Variants in CSMD1 observed in about 807,000 individuals in gnomAD.
The protein encoded by CSMD1 is CUB and Sushi multiple domains 1, also known as CUB and sushi domain-containing protein 1.
CSMD1 carries 213 observed loss-of-function variants against 417.5 expected under a neutral mutation model. The ratio of observed to expected loss-of-function variants is 0.51; its 90% CI spans 0.46 to 0.57. The LOEUF (loss-of-function observed/expected upper bound fraction) is 0.57. Among genes scored for constraint, CSMD1 ranks in the 20% least tolerant of loss-of-function variants. The pLI is 0.00. For synonymous variants in CSMD1, 2,862 were observed against 1,736.8 expected, an observed-to-expected ratio of 1.65 and a Z score of -16.11; for missense variants, 6,923 against 4,529.7, an observed-to-expected ratio of 1.53 and a Z score of -15.17.
intron 2 of CSMD1, among the ~76,000 whole-genome samples, chr8:4,495,757 T>C (rs1801949009): frequency 6.6e-6 from 1 of 152,194 alleles, no homozygotes; most frequent in Non-Finnish European, 1.5e-5. Flanking sequence ...AGATCTCCAC[T>C]AAATATTTTA....
intron 3 of CSMD1, among the ~76,000 whole-genome samples, chr8:4,054,214 C>G (rs1798577351): frequency 6.6e-6 from 1 of 152,136 alleles, no homozygotes. Context: ...TGATTTGGCG[C>G]CACCTCTCTT....
intron 1 of CSMD1, among the ~76,000 whole-genome samples, chr8:4,945,701 A>C (rs769423635): frequency 2.6e-5 from 4 of 152,146 alleles, no homozygotes; most frequent in Non-Finnish European, 4.4e-5. Flanking sequence ...TAACAAAGAC[A>C]AAGAGAAAAC....
chr8:3,104,427 G>C (rs911620883), intron 46 of CSMD1, among the ~76,000 whole-genome samples: 3 of 152,102 alleles, frequency 2.0e-5, no homozygotes, highest in Non-Finnish European at 2.9e-5. Flanking sequence ...ACAGCCTACG[G>C]TCTGCTTAGC....
chr8:3,003,921 C>T (rs952803059), intron 52 of CSMD1, among the ~76,000 whole-genome samples: 1 of 152,070 alleles, frequency 6.6e-6, no homozygotes, highest in African/African-American at 2.4e-5. Context: ...GTCAAATGAC[C>T]CAGTTATACA....
At chr8:3,729,267 G>A (rs1346935061) in intron 6 of CSMD1, among the ~76,000 whole-genome samples, 1 of 152,136 alleles carries the variant, frequency 6.6e-6, no homozygotes, top group Non-Finnish European at 1.5e-5. Context: ...GCTTGCTACA[G>A]GAAGTGTTCA....
intron 1 of CSMD1, among the ~76,000 whole-genome samples, chr8:4,733,292 C>A (rs949992308): frequency 2.0e-5 from 3 of 152,118 alleles, no homozygotes; most frequent in Non-Finnish European, 4.4e-5. Flanking sequence ...AAATAAATGA[C>A]TAAAAATGTT....
At chr8:4,215,982 CAG>C (rs977634665) in intron 3 of CSMD1, among the ~76,000 whole-genome samples, 11 of 152,172 alleles carry the variant, frequency 7.2e-5, no homozygotes, top group Non-Finnish European at 1.3e-4. Context: ...GACTTAAACT[CAG>C]AGAGTGGTGC....
At chr8:3,880,939 A>G (rs1298716171) in intron 5 of CSMD1, among the ~76,000 whole-genome samples, 1 of 152,202 alleles carries the variant, frequency 6.6e-6, no homozygotes, top group Non-Finnish European at 1.5e-5. Flanking sequence ...CATTGGATGC[A>G]AAATTAGTAT....
chr8:3,159,778 C>T (rs1311441698), intron 38 of CSMD1, among the ~76,000 whole-genome samples: 1 of 152,158 alleles, frequency 6.6e-6, no homozygotes, highest in Non-Finnish European at 1.5e-5. Context: ...AGAAGTGCAT[C>T]CACAGGCCTG....
chr8:3,362,815 G>C (rs192753097), intron 20 of CSMD1, among the ~76,000 whole-genome samples: 2 of 152,240 alleles, frequency 1.3e-5, no homozygotes, highest in East Asian at 1.9e-4. Flanking sequence ...TGCCAATCAA[G>C]TCAGCTCTAA....
intron 5 of CSMD1, among the ~76,000 whole-genome samples, chr8:3,931,341 C>A (rs1416298419): frequency 6.7e-6 from 1 of 150,208 alleles, no homozygotes; most frequent in Admixed American, 6.6e-5. Flanking sequence ...AGAAAAGGGC[C>A]ACTCTCTCTC....
intron 5 of CSMD1, among the ~76,000 whole-genome samples, chr8:3,937,210 C>G (rs370783165): frequency 6.6e-6 from 1 of 152,122 alleles, no homozygotes; most frequent in Non-Finnish European, 1.5e-5. Flanking sequence ...GAAATGACAA[C>G]AAAAGATTGT....
At chr8:3,541,118 T>C (rs1798419064) in intron 10 of CSMD1, among the ~76,000 whole-genome samples, 2 of 152,296 alleles carry the variant, frequency 1.3e-5, no homozygotes, top group Non-Finnish European at 1.5e-5. Context: ...AGCAAAGACA[T>C]GGAATCAACC....
chr8:3,380,600 G>A (rs566551607), intron 18 of CSMD1, among the ~76,000 whole-genome samples: 111 of 152,278 alleles, frequency 7.3e-4, no homozygotes, highest in Admixed American at 1.8e-3. Flanking sequence ...GGACATGGAT[G>A]AATCTGGAAA....
At chr8:4,039,408 A>T (rs1032187321) in intron 3 of CSMD1, among the ~76,000 whole-genome samples, 14 of 152,222 alleles carry the variant, frequency 9.2e-5, no homozygotes, top group Admixed American at 9.2e-4. Flanking sequence ...ATCTGGTTAT[A>T]TAATTTTCAG....
In CSMD1 at chr8:4,575,499, T is replaced by C. The variant is rs534397751; in HGVS notation, c.302+61843A>G. On this transcript the variant is annotated intron_variant, in intron 2 of 69. Coordinates refer to ENST00000635120, the MANE Select transcript of CSMD1 (RefSeq NM_033225.6). The stretch of plus-strand genomic sequence containing the variant: ...ATCTGAAGAAAAGGAATAATGCAGG[T>C]ATCCTCCAGAGGCATCACCAGAGTG... 3.6e-3 allele frequency among the ~76,000 whole-genome samples: 553 copies of C among 152,282 alleles called. 1 individual carries two copies. Among genetic ancestry groups the C allele is most frequent in the Non-Finnish European group, 6.5e-3 (445 of 68,024 alleles).
At chr8:4,712,792 C>T (rs929076783) in intron 1 of CSMD1, among the ~76,000 whole-genome samples, 5 of 152,074 alleles carry the variant, frequency 3.3e-5, no homozygotes, top group Non-Finnish European at 7.3e-5. Flanking sequence ...CTGTTGGTTT[C>T]GTGCTGAGGC....
intron 5 of CSMD1, among the ~76,000 whole-genome samples, chr8:3,824,002 T>C (rs931694739): frequency 1.3e-5 from 2 of 152,208 alleles, no homozygotes; most frequent in Non-Finnish European, 2.9e-5. Flanking sequence ...ATGTTTTTGC[T>C]TCCAGTCTCT....
intron 4 of CSMD1, among the ~76,000 whole-genome samples, chr8:4,025,058 A>C (rs187627410): frequency 3.3e-4 from 50 of 152,320 alleles, no homozygotes; most frequent in Middle Eastern, 3.4e-3. Flanking sequence ...CATCAGACTA[A>C]TACTCACAAA....
Sources: allele counts gnomAD v4.1 joint callset (sites outside exome capture counted in the v4.1 genomes callset), GRCh38; gene constraint gnomAD v4.1.1; transcripts MANE v1.5; gene names NCBI Gene and HGNC (gene_info 2026-07-23, HGNC 2026-07-21).